Variants in PARP6 observed in about 807,000 individuals in gnomAD.
PARP6 encodes the protein poly(ADP-ribose) polymerase family member 6.
A neutral mutation model predicts 92.0 loss-of-function variants in PARP6; 27 were observed. The observed-to-expected ratio is 0.29, with a 90% CI of 0.22 to 0.40. The LOEUF is 0.40. PARP6 is among the 10% of genes least tolerant of loss of function. The probability of loss-of-function intolerance (pLI) is 1.00; values close to 1 mark genes in which losing one functional copy is unlikely to be tolerated. For missense variants in PARP6, 501 were observed against 784.5 expected (o/e 0.64, Z 4.32); for synonymous variants, 272 against 281.2 (o/e 0.97, Z 0.33).
chr15:72,265,936 G>A lies in PARP6; in HGVS notation c.137C>T (p.Ala46Val), dbSNP rs763380712. Residue 46 changes from alanine (A) to valine (V), a missense_variant, in exon 5 of 24, where the codon GCC becomes GTC. Ala to Val is a moderately conservative substitution (Grantham distance 64, BLOSUM62 0). This residue lies in a region of PARP6 where 291 missense variants were observed against 352.0 expected (regional missense o/e 0.83). Transcript: ENST00000569795. ...GTTCTCACTGTAGATCTCCTTCACGGCTTCAATGTCTGCATCAAGCTGTGG... is the reference window on the plus strand; with the variant it reads ...GTTCTCACTGTAGATCTCCTTCACGACTTCAATGTCTGCATCAAGCTGTGG... ...RHPQLDADIE[A>V]VKEIYSENSV... 1 of 1,613,996 alleles carries A rather than the reference G, an allele frequency of 6.2e-7. No individual in the cohort carries two copies. The highest frequency in any genetic ancestry group is 8.5e-7 in the Non-Finnish European group (1 of 1,179,936).
At position 72,249,937 on chromosome 15, in the gene PARP6, C is replaced by G. The variant is rs1280092514; in HGVS notation, c.1491+83G>C. 3.4e-6 allele frequency: 3 copies of G among 887,500 alleles called. No homozygotes were observed. In the Admixed American group the frequency reaches 5.5e-5, roughly 16 times the overall value. The allele number at this position is 887,500 out of a possible 1,614,324, so 55.0% of individuals were successfully genotyped here. ...AGGCTTGAGGACACTGAGGCAAAAACAGCTTACTCTAGAGCAGCCTTCCAC... is the reference window on the plus strand; with the variant it reads ...AGGCTTGAGGACACTGAGGCAAAAAGAGCTTACTCTAGAGCAGCCTTCCAC... On this transcript the variant is annotated intron_variant, in intron 19 of 23. Transcript: ENST00000569795.
intron 15 of PARP6, 86 bp from the exon 16 acceptor site, chr15:72,253,590 C>T (rs2084658214): frequency 1.7e-6 from 2 of 1,154,876 alleles, no homozygotes; most frequent in Admixed American, 3.8e-5. Flanking sequence ...CTATTAGGGT[C>T]CAGGGCAAGG....
intron 16 of PARP6, 30 bp downstream of exon 16, chr15:72,253,407 C>A: frequency 6.4e-7 from 1 of 1,572,220 alleles, no homozygotes; most frequent in Admixed American, 1.7e-5. Context: ...CTCCCCATAA[C>A]CCAAGAAGGA....
At chr15:72,254,702 G>C (rs1039510995) in intron 14 of PARP6, among the ~76,000 whole-genome samples, 182 bp from the exon 15 acceptor site, 1 of 152,194 alleles carries the variant, frequency 6.6e-6, no homozygotes, top group Non-Finnish European at 1.5e-5. Flanking sequence ...TTACCAGCTG[G>C]GAGTAACAGG....
At chr15:72,257,919 A>G in intron 12 of PARP6, 118 bp downstream of exon 12, 1 of 719,108 alleles carries the variant, frequency 1.4e-6, no homozygotes, top group East Asian at 2.6e-5. Context: ...CAATTTCTAG[A>G]GTATCAGGGT....
intron 7 of PARP6, 100 bp from the exon 8 acceptor site, chr15:72,264,721 C>G: frequency 2.3e-6 from 2 of 876,190 alleles, no homozygotes; most frequent in Non-Finnish European, 3.7e-6. Context: ...AAGATCATAG[C>G]TGCTGGGTAC....
rs9920990 is a variant in PARP6 at position 72,246,428 on chromosome 15, G to A, written c.1561+2817C>T. Among the ~76,000 whole-genome samples, 649 of 152,174 alleles carry A rather than the reference G, an allele frequency of 4.3e-3. 6 individuals carry two copies. Among genetic ancestry groups the A allele is most frequent in the African/African-American group, 0.015 (622 of 41,462 alleles). On this transcript the variant is annotated intron_variant, in intron 20 of 23. Transcript: ENST00000569795. The stretch of plus-strand genomic sequence containing the variant: ...CTCCCAAAGTGCTGGGATTACAGGT[G>A]TGAGCCACCATGCCCAGCCTCATTA...
intron 16 of PARP6, 110 bp from the exon 17 acceptor site, chr15:72,251,365 T>C (rs2084328400): frequency 1.5e-6 from 1 of 647,304 alleles, no homozygotes; most frequent in African/African-American, 1.8e-5. Flanking sequence ...CAAGGATTCC[T>C]GGGCTGTCCA....
chr15:72,265,993 T>C lies in PARP6; in HGVS notation c.82-2A>G. On this transcript the variant is annotated splice_acceptor_variant, in intron 4 of 23. Transcript: ENST00000569795. LOFTEE classifies it high-confidence loss of function. Reference sequence around the variant, plus strand: ...ATACAGGTCAGCTGCACAGCTCCCCTGAGATAGCAGCAAAAATGGTGGTGG... The same window carrying C: ...ATACAGGTCAGCTGCACAGCTCCCCCGAGATAGCAGCAAAAATGGTGGTGG... 6.2e-7 allele frequency: 1 copy of C among 1,605,912 alleles called. No homozygotes were observed. The highest frequency in any genetic ancestry group is 8.5e-7 in the Non-Finnish European group (1 of 1,172,794).
chr15:72,246,367 C>T, intron 20 of PARP6, among the ~76,000 whole-genome samples: 1 of 152,210 alleles, frequency 6.6e-6, no homozygotes, highest in Non-Finnish European at 1.5e-5. Flanking sequence ...TCAGGCTGGT[C>T]TCGAACTCCC....
chr15:72,260,571 T>C lies in PARP6; in HGVS notation c.663A>G (p.Lys221=). The change falls in exon 10 of 24, where the codon AAA becomes AAG. Residue 221 remains lysine, a synonymous_variant. Coordinates refer to ENST00000569795, the MANE Select transcript of PARP6 (RefSeq NM_001323532.2). ...TGGGAGGGTAGCCAAACACTTCCAC[T>C]TTGGGGTTCTTCATGGTACAGGAGA... ...RSISCTMKNP[K]VEVFGYPPSP... is the part of the protein sequence containing the mutation. 8 of 1,614,106 alleles carry C rather than the reference T, an allele frequency of 5.0e-6. No homozygotes were observed. The highest frequency in any genetic ancestry group is 6.8e-6 in the Non-Finnish European group (8 of 1,180,006).
At chr15:72,256,780 G>A (rs1432725329) in intron 13 of PARP6, among the ~76,000 whole-genome samples, 190 bp from the exon 14 acceptor site, 1 of 152,188 alleles carries the variant, frequency 6.6e-6, no homozygotes, top group Non-Finnish European at 1.5e-5. Flanking sequence ...CCATCTTCCT[G>A]CCCTTAAACT....
chr15:72,246,308 T>A (rs1368486211), intron 20 of PARP6, among the ~76,000 whole-genome samples: 2 of 152,064 alleles, frequency 1.3e-5, no homozygotes, highest in African/African-American at 2.4e-5. Flanking sequence ...TGCCACCATG[T>A]CCAGCTAATT....
intron 14 of PARP6, among the ~76,000 whole-genome samples, chr15:72,255,151 G>A (rs139264083): frequency 1.3e-5 from 2 of 152,184 alleles, no homozygotes; most frequent in East Asian, 3.9e-4. Flanking sequence ...TGGATTATCA[G>A]TCTTTTCCAG....
rs1372956533 is a variant in PARP6, at chr15:72,251,798, AG to A, written c.1260-544del. On this transcript the variant is annotated intron_variant, in intron 16 of 23. Coordinates refer to ENST00000569795, the MANE Select transcript of PARP6 (RefSeq NM_001323532.2). ...AGAAGAAACTAGAATGAACTTCCTT[AG>A]GAGTCAAGGACAGACTAAGCTCTAT... Among the ~76,000 whole-genome samples, 6 of 152,246 alleles carry A rather than the reference AG, an allele frequency of 3.9e-5. 1 individual carries two copies.
intron 20 of PARP6, among the ~76,000 whole-genome samples, chr15:72,246,964 G>T (rs1274350292): frequency 6.6e-6 from 1 of 151,994 alleles, no homozygotes; most frequent in Non-Finnish European, 1.5e-5. Flanking sequence ...CTCCCTGTTG[G>T]TCAGGCTGGT....
At chr15:72,243,452 A>T (rs539823281) in intron 20 of PARP6, 1 of 152,248 alleles carries the variant, frequency 6.6e-6, no homozygotes. Context: ...ATAATTTTGT[A>T]CAGGAAATCA....
chr15:72,267,582 G>T lies in PARP6; in HGVS notation c.-105C>A. 8.1e-7 allele frequency: 1 copy of T among 1,235,282 alleles called. No homozygotes were observed. Among genetic ancestry groups the T allele is most frequent in the Non-Finnish European group, 1.2e-6 (1 of 837,104 alleles). 76.5% of individuals were successfully genotyped at this position (1,235,282 alleles called of 1,614,324 possible). ...AGATGGGCATTTAGGAGACCACAAA[G>T]GGAGACAAGGTAGGGCACGATGTCA... On this transcript the variant is annotated 5_prime_UTR_variant, in exon 3 of 24. Coordinates refer to ENST00000569795, the MANE Select transcript of PARP6 (RefSeq NM_001323532.2).
chr15:72,265,252 G>T, intron 6 of PARP6, 81 bp from the exon 7 acceptor site: 1 of 1,054,214 alleles, frequency 9.5e-7, no homozygotes, highest in South Asian at 1.3e-5. Context: ...ACACACACAT[G>T]CACATGACAG....
Sources: gnomAD v4.1 joint callset for allele counts (sites outside exome capture counted in the v4.1 genomes callset) on GRCh38, gnomAD v4.1.1 for gene constraint, gnomAD v4.1.1 regional missense constraint, MANE v1.5 for transcripts, NCBI Gene and HGNC (gene_info 2026-07-23, HGNC 2026-07-21) for gene names.